PRKAA1: variants seen among roughly 807,000 people sequenced by gnomAD.
The protein encoded by PRKAA1 is 5'-AMP-activated protein kinase catalytic subunit alpha-1.
A neutral mutation model predicts 56.9 loss-of-function variants in PRKAA1; 23 were observed. The observed-to-expected ratio is 0.40, with a 90% CI of 0.29 to 0.57. The LOEUF (loss-of-function observed/expected upper bound fraction) is 0.57. Among genes scored for constraint, PRKAA1 ranks in the 20% least tolerant of loss-of-function variants. PRKAA1 has a pLI of 0.39. For missense variants in PRKAA1, 413 were observed against 679.7 expected, an observed-to-expected ratio of 0.61 and a Z score of 4.36; for synonymous variants, 226 against 227.0, an observed-to-expected ratio of 1.00 and a Z score of 0.04.
At chr5:40,795,002 T>TACACAC (rs1268975851) in intron 1 of PRKAA1, among the ~76,000 whole-genome samples, 8 of 57,650 alleles carry the variant, frequency 1.4e-4, no homozygotes, top group Admixed American at 2.2e-4. Context: ...GGTGTATACA[T>TACACAC]ATATATACAC....
intron 1 of PRKAA1, among the ~76,000 whole-genome samples, chr5:40,780,891 G>A (rs1744241859): frequency 6.6e-6 from 1 of 152,078 alleles, no homozygotes; most frequent in Non-Finnish European, 1.5e-5. Context: ...GCTTTAACAA[G>A]TTTCTAGGTA....
chr5:40,794,340 T>C (rs1744837838), intron 1 of PRKAA1, among the ~76,000 whole-genome samples: 1 of 152,228 alleles, frequency 6.6e-6, no homozygotes, highest in African/African-American at 2.4e-5. Flanking sequence ...ATGGGACTAT[T>C]TGTTTTTTCT....
At chr5:40,775,267 T>TA in intron 3 of PRKAA1, 143 bp downstream of exon 3, 1 of 713,828 alleles carries the variant, frequency 1.4e-6, no homozygotes. Context: ...TAGTTCTACA[T>TA]AGTTTATGAT....
rs975280868 is a variant in PRKAA1, at chr5:40,762,460, C to T, written c.*318G>A. Reference sequence around the variant, plus strand: ...TATAACACGTAATAATATATGAAGGCCTTTATGTAAATTAATATTTCAAAG... The same window carrying T: ...TATAACACGTAATAATATATGAAGGTCTTTATGTAAATTAATATTTCAAAG... On this transcript the variant is annotated 3_prime_UTR_variant, in exon 9 of 9. Transcript: ENST00000397128. 2 of 240,014 alleles carry T rather than the reference C, an allele frequency of 8.3e-6. No homozygotes were observed. The highest frequency in any genetic ancestry group is 6.4e-5 in the South Asian group (1 of 15,748). 14.9% of individuals were successfully genotyped at this position (240,014 alleles called of 1,614,324 possible). A position where few individuals can be genotyped will look rare whatever the true frequency, so the allele number is the denominator to read the frequency against.
chr5:40,762,739 A>G lies in PRKAA1; in HGVS notation c.*39T>C. On this transcript the variant is annotated 3_prime_UTR_variant, in exon 9 of 9. Transcript: ENST00000397128. ...AGCATTTGGCTGTGACTTATTATGC[A>G]TGCTTATTGCTGCAAAAGAAATAAG... 1.2e-6 allele frequency: 2 copies of G among 1,606,730 alleles called. No homozygotes were observed. Among genetic ancestry groups the G allele is most frequent in the South Asian group, 1.1e-5 (1 of 90,274 alleles).
intron 1 of PRKAA1, among the ~76,000 whole-genome samples, chr5:40,796,750 T>A (rs1744943586): frequency 6.6e-6 from 1 of 152,208 alleles, no homozygotes; most frequent in South Asian, 2.1e-4. Flanking sequence ...TCTTCTCTTC[T>A]AACCCTAAAT....
intron 1 of PRKAA1, among the ~76,000 whole-genome samples, chr5:40,791,241 G>C (rs1744706518): frequency 6.6e-6 from 1 of 152,190 alleles, no homozygotes. Flanking sequence ...ACTACTAAGG[G>C]ATTCCCCCCT....
chr5:40,791,171 C>T (rs1238684548), intron 1 of PRKAA1, among the ~76,000 whole-genome samples: 1 of 152,216 alleles, frequency 6.6e-6, no homozygotes, highest in African/African-American at 2.4e-5. Flanking sequence ...TGTAGCCAAA[C>T]TAAATGCTGT....
intron 5 of PRKAA1, chr5:40,768,485 C>T (rs1743575435): frequency 1.1e-6 from 1 of 932,004 alleles, no homozygotes; most frequent in Non-Finnish European, 1.3e-6. Flanking sequence ...TAGACAACAC[C>T]ATTTTTTTAA....
At chr5:40,771,480 C>T (rs867653082) in intron 4 of PRKAA1, among the ~76,000 whole-genome samples, 22 of 152,082 alleles carry the variant, frequency 1.4e-4, no homozygotes, top group African/African-American at 4.6e-4. Context: ...CCAGCCTGGG[C>T]GACAAAGCGA....
intron 5 of PRKAA1, 51 bp from the exon 6 acceptor site, chr5:40,767,741 C>T: frequency 2.0e-6 from 3 of 1,466,106 alleles, no homozygotes; most frequent in Non-Finnish European, 1.9e-6. Flanking sequence ...ACCTAAGATT[C>T]AGTTCATCAA....
intron 1 of PRKAA1, among the ~76,000 whole-genome samples, chr5:40,778,769 CTGTT>C (rs1744132876): frequency 6.9e-6 from 1 of 144,040 alleles, no homozygotes; most frequent in African/African-American, 2.6e-5. Context: ...ATTTTTTTTC[CTGTT>C]TTTTAATTTT....
At chr5:40,777,702 G>T in intron 1 of PRKAA1, 116 bp from the exon 2 acceptor site, 1 of 965,304 alleles carries the variant, frequency 1.0e-6, no homozygotes, top group Non-Finnish European at 1.5e-6. Flanking sequence ...GGGAGGCCGA[G>T]GCGAGTAGAT....
chr5:40,764,801 A>G lies in PRKAA1; in HGVS notation c.1259T>C (p.Ile420Thr). ...GATTGCTCTACATACTTCTGCCATA[A>G]TATCATTTGGTCGACTTTGACTTCT... The part of the protein sequence containing the change: ...GIRSQSRPND[I>T]MAEVCRAIKQ... Residue 420 changes from isoleucine (I) to threonine (T), a missense_variant, in exon 7 of 9, where the codon ATT becomes ACT. Around this residue, in one of 9 missense-constraint regions of PRKAA1, gnomAD observed 139 missense variants for 171.5 expected, o/e 0.81. Coordinates refer to ENST00000397128, the MANE Select transcript of PRKAA1 (RefSeq NM_006251.6). 1 of 1,613,888 alleles carries G rather than the reference A, an allele frequency of 6.2e-7. No homozygotes were observed. The highest frequency in any genetic ancestry group is 8.5e-7 in the Non-Finnish European group (1 of 1,179,802).
chr5:40,765,531 C>T (rs1386256778), intron 6 of PRKAA1, among the ~76,000 whole-genome samples: 1 of 151,926 alleles, frequency 6.6e-6, no homozygotes, highest in Non-Finnish European at 1.5e-5. Context: ...AGCTTATTTC[C>T]AGCTTAGAAA....
intron 1 of PRKAA1, among the ~76,000 whole-genome samples, chr5:40,783,759 A>G (rs1744360082): frequency 6.7e-6 from 1 of 149,878 alleles, no homozygotes; most frequent in Non-Finnish European, 1.5e-5. Flanking sequence ...ACTCCATCTC[A>G]AAAAAAAAAA....
rs928916555 is a variant in PRKAA1 at position 40,761,505 on chromosome 5, A to G, written c.*1273T>C. The stretch of plus-strand genomic sequence containing the variant: ...ACATATATAGGTATAGAGAAAACAA[A>G]TGACAAAACATTAACAACTGCTGAA... On this transcript the variant is annotated 3_prime_UTR_variant, in exon 9 of 9. Coordinates refer to ENST00000397128, the MANE Select transcript of PRKAA1 (RefSeq NM_006251.6). 1 of 152,214 alleles carries G rather than the reference A, an allele frequency of 6.6e-6. No individual in the cohort carries two copies. The highest frequency in any genetic ancestry group is 6.5e-5 in the Admixed American group (1 of 15,282). The allele number at this position is 152,214 out of a possible 1,614,324, so 9.4% of individuals were successfully genotyped here.
intron 1 of PRKAA1, among the ~76,000 whole-genome samples, chr5:40,789,550 G>T (rs921461525): frequency 6.6e-6 from 1 of 152,158 alleles, no homozygotes; most frequent in Non-Finnish European, 1.5e-5. Context: ...AGAGGTGTCT[G>T]AGACTCACTT....
At chr5:40,772,003 A>C in intron 3 of PRKAA1, 140 bp from the exon 4 acceptor site, 1 of 1,038,818 alleles carries the variant, frequency 9.6e-7, no homozygotes, top group Non-Finnish European at 1.4e-6. Context: ...TTTTGACATG[A>C]GGAGGAGATA....
Sources: allele counts gnomAD v4.1 joint callset (sites outside exome capture counted in the v4.1 genomes callset), GRCh38; gene constraint gnomAD v4.1.1; regional missense constraint gnomAD v4.1.1; transcripts MANE v1.5; gene names NCBI Gene and HGNC (gene_info 2026-07-23, HGNC 2026-07-21).